CACNA1S: variants seen among roughly 807,000 people sequenced by gnomAD.
CACNA1S encodes voltage-dependent L-type calcium channel subunit alpha-1S.
Under a neutral mutation model 207.4 loss-of-function variants are expected in CACNA1S, and 126 were observed. That is an observed-to-expected ratio of 0.61 (90% CI 0.53 to 0.70). The LOEUF is 0.70. Among genes scored for constraint, CACNA1S ranks in the 30% least tolerant of loss-of-function variants. CACNA1S has a pLI of 0.00. For missense variants in CACNA1S, 2,349 were observed against 2,422.8 expected, an observed-to-expected ratio of 0.97 and a Z score of 0.64; for synonymous variants, 960 against 932.7, an observed-to-expected ratio of 1.03 and a Z score of -0.53.
intron 2 of CACNA1S, among the ~76,000 whole-genome samples, chr1:201,096,901 A>G (rs550057601): frequency 6.6e-6 from 1 of 152,232 alleles, no homozygotes; most frequent in African/African-American, 2.4e-5. Flanking sequence ...GTTTGATGTC[A>G]TGTCTGTGGG....
intron 7 of CACNA1S, 32 bp from the exon 8 acceptor site, chr1:201,085,613 G>T: frequency 6.2e-7 from 1 of 1,613,010 alleles, no homozygotes; most frequent in South Asian, 1.1e-5. Context: ...AGGAGAGGAG[G>T]AGAAGAGGGA....
At chr1:201,083,749 A>AG (rs1661927537) in intron 9 of CACNA1S, among the ~76,000 whole-genome samples, 1 of 152,222 alleles carries the variant, frequency 6.6e-6, no homozygotes, top group Non-Finnish European at 1.5e-5. Context: ...GGCAGCACTT[A>AG]CCAAAATTTA....
At chr1:201,094,722 C>A (rs78884365) in intron 2 of CACNA1S, among the ~76,000 whole-genome samples, 4,900 of 152,164 alleles carry the variant, frequency 0.032, 230 homozygotes, top group African/African-American at 0.11. Context: ...CCTTAAAGGC[C>A]GTGACACTAT....
At position 201,043,370 on chromosome 1, in the gene CACNA1S, G is replaced by C. The variant is rs1660353652; in HGVS notation, c.4959C>G (p.Thr1653=). 1 of 1,614,062 alleles carries C rather than the reference G, an allele frequency of 6.2e-7. No individual in the cohort carries two copies. The highest frequency in any genetic ancestry group is 8.5e-7 in the Non-Finnish European group (1 of 1,180,036). ...FLEDFPQDPR[T]NPLARANTNN... is the part of the protein sequence containing the mutation. ...TGGTATTGGCACGAGCCAGGGGGTT[G>C]GTGCGTGGATCTTGTGGGAAGTCCT... The change falls in exon 40 of 44, where the codon ACC becomes ACG. Residue 1653 remains threonine, a synonymous_variant. Transcript: ENST00000362061.
At chr1:201,068,677 C>A (rs1298839440) in intron 19 of CACNA1S, among the ~76,000 whole-genome samples, 2 of 151,920 alleles carry the variant, frequency 1.3e-5, no homozygotes, top group South Asian at 4.2e-4. Context: ...TCAAGACCAT[C>A]CCAGCCAACA....
At chr1:201,052,077 G>A (rs1310872382) in intron 32 of CACNA1S, among the ~76,000 whole-genome samples, 1 of 152,168 alleles carries the variant, frequency 6.6e-6, no homozygotes, top group Non-Finnish European at 1.5e-5. Context: ...ACGCCCAGCA[G>A]GCCTGCAGCC....
chr1:201,044,209 G>C, intron 39 of CACNA1S, 119 bp downstream of exon 39: 1 of 1,250,226 alleles, frequency 8.0e-7, no homozygotes, highest in Non-Finnish European at 1.1e-6. Flanking sequence ...GAGACGGAGT[G>C]GGGTATCTTC....
Position 201,110,169 on chromosome 1 carries a change from C to G in CACNA1S, c.253G>C (p.Gly85Arg). The G allele has an allele frequency of 1.2e-6, 2 of 1,614,036 alleles. No homozygotes were observed. The highest frequency in any genetic ancestry group is 2.2e-5 in the South Asian group (2 of 91,076). ...PEDDNNSLNL[G>R]LEKLEYFFLI... ...GATGGAAGGGCCAATCTTACCAGGC[C>G]GAGGTTCAGAGAGTTGTTGTCATCT... The change falls in exon 2 of 44, where the codon GGC becomes CGC. Residue 85 changes from glycine to arginine, a missense_variant. Coordinates refer to ENST00000362061, the MANE Select transcript of CACNA1S (RefSeq NM_000069.3).
intron 32 of CACNA1S, 35 bp from the exon 33 acceptor site, chr1:201,051,178 C>T (rs1448109565): frequency 1.9e-6 from 3 of 1,613,274 alleles, no homozygotes; most frequent in East Asian, 4.5e-5. Context: ...CACCTATCTG[C>T]TCCTGCCTGG....
chr1:201,101,930 C>T (rs934222497), intron 2 of CACNA1S, among the ~76,000 whole-genome samples: 2 of 152,210 alleles, frequency 1.3e-5, no homozygotes, highest in African/African-American at 4.8e-5. Context: ...AGCATCCCCC[C>T]TCCTCCATCA....
At chr1:201,060,545 G>T in intron 26 of CACNA1S, 113 bp downstream of exon 26, 2 of 1,157,812 alleles carry the variant, frequency 1.7e-6, no homozygotes, top group Non-Finnish European at 2.6e-6. Context: ...AGCACACAGT[G>T]CACAAGAAAT....
chr1:201,048,523 CTG>C, intron 36 of CACNA1S, 57 bp downstream of exon 36: 1 of 1,356,174 alleles, frequency 7.4e-7, no homozygotes, highest in Non-Finnish European at 1.1e-6. Flanking sequence ...CTGGCAGAAT[CTG>C]TGCCAGAAAC....
At chr1:201,069,397 A>G in intron 18 of CACNA1S, 75 bp downstream of exon 18, 4 of 1,587,548 alleles carry the variant, frequency 2.5e-6, no homozygotes, top group Non-Finnish European at 3.4e-6. Flanking sequence ...TAGAGGATAC[A>G]GCTGAACCCT....
At chr1:201,081,284 G>C (rs1013538276) in intron 10 of CACNA1S, among the ~76,000 whole-genome samples, 1 of 152,192 alleles carries the variant, frequency 6.6e-6, no homozygotes, top group African/African-American at 2.4e-5. Flanking sequence ...CTCTGGCTTT[G>C]GGTCACTTCT....
At chr1:201,046,123 T>C (rs1037847941) in intron 38 of CACNA1S, among the ~76,000 whole-genome samples, 1 of 152,056 alleles carries the variant, frequency 6.6e-6, no homozygotes, top group Admixed American at 6.6e-5. Flanking sequence ...CAAAAAGTTC[T>C]AAAGTTTTCT....
intron 13 of CACNA1S, 40 bp downstream of exon 13, chr1:201,075,452 CCCT>C: frequency 6.3e-7 from 1 of 1,586,056 alleles, no homozygotes; most frequent in Admixed American, 1.7e-5. Context: ...TTCCCCCACC[CCCT>C]CCCTAAGCTC....
chr1:201,093,108 A>G (rs1558081884), intron 3 of CACNA1S, among the ~76,000 whole-genome samples: 1 of 152,252 alleles, frequency 6.6e-6, no homozygotes, highest in Non-Finnish European at 1.5e-5. Flanking sequence ...GTAGTTACTC[A>G]TGGTAATGCT....
chr1:201,072,673 C>A lies in CACNA1S; in HGVS notation c.2227+82G>T, dbSNP rs1661466369. On this transcript the variant is annotated intron_variant, in intron 16 of 43. Coordinates refer to ENST00000362061, the MANE Select transcript of CACNA1S (RefSeq NM_000069.3). The stretch of plus-strand genomic sequence containing the variant: ...GGTACAGGTAGGGACACACAAGAGA[C>A]TGCCCATGGGGAGAATTCAGGACCG... 3.0e-6 allele frequency: 3 copies of A among 987,778 alleles called. No individual in the cohort carries two copies. In the East Asian group the frequency reaches 7.1e-5, roughly 24 times the overall value. The allele number at this position is 987,778 out of a possible 1,614,324, so 61.2% of individuals were successfully genotyped here. A position where few individuals can be genotyped will look rare whatever the true frequency, so the allele number is the denominator to read the frequency against.
intron 22 of CACNA1S, 108 bp downstream of exon 22, chr1:201,065,730 T>G: frequency 2.6e-6 from 2 of 757,452 alleles, no homozygotes; most frequent in Non-Finnish European, 4.8e-6. Flanking sequence ...TATGGAAATC[T>G]GTGCATTCGA....
Sources: gnomAD v4.1 joint callset for allele counts (sites outside exome capture counted in the v4.1 genomes callset) on GRCh38, gnomAD v4.1.1 for gene constraint, MANE v1.5 for transcripts, NCBI Gene and HGNC (gene_info 2026-07-23, HGNC 2026-07-21) for gene names.